Variants in ERICH2 observed in about 807,000 individuals in gnomAD.
ERICH2 encodes the protein glutamate-rich protein 2.
In ERICH2, 17 loss-of-function variants were observed where a neutral mutation model predicts 17.4. That is an observed-to-expected ratio of 0.98 (90% CI 0.67 to 1.47). The LOEUF is 1.47. Among genes scored for constraint, ERICH2 ranks in the 40% most tolerant of loss-of-function variants. The probability of loss-of-function intolerance (pLI) is 0.00; values close to 1 mark genes in which losing one functional copy is unlikely to be tolerated. For missense variants in ERICH2, 186 were observed against 183.2 expected, an observed-to-expected ratio of 1.01 and a Z score of -0.09; for synonymous variants, 51 against 61.1, an observed-to-expected ratio of 0.83 and a Z score of 0.77.
chr2:170,776,765 CT>C, the ERICH2 span, among the ~76,000 whole-genome samples: 37,572 of 145,122 alleles, frequency 0.26, 4,984 homozygotes, highest in South Asian at 0.37. Context: ...CAGAGAATTT[CT>C]TTTTTTTTTT....
chr2:170,784,001 G>A (rs1701087169), intron 1 of ERICH2: 1 of 1,277,540 alleles, frequency 7.8e-7, no homozygotes, highest in Admixed American at 2.1e-5. Flanking sequence ...TGTTGTTGTT[G>A]TTCTGTGTTT....
intron 2 of ERICH2, among the ~76,000 whole-genome samples, chr2:170,787,024 G>A (rs1219898125): frequency 6.8e-6 from 1 of 147,002 alleles, no homozygotes; most frequent in Non-Finnish European, 1.5e-5. Flanking sequence ...TCCTTTGCAT[G>A]CCTATATTTT....
At chr2:170,773,556 T>C in the ERICH2 span, among the ~76,000 whole-genome samples, 4 of 152,206 alleles carry the variant, frequency 2.6e-5, no homozygotes, top group Non-Finnish European at 4.4e-5. Context: ...GCATTTGTTA[T>C]AGTATTTTGA....
intron 2 of ERICH2, among the ~76,000 whole-genome samples, chr2:170,788,278 A>G (rs1701200032): frequency 2.0e-5 from 3 of 152,166 alleles, no homozygotes; most frequent in South Asian, 2.1e-4. Context: ...CAATGACCCT[A>G]TCTACCATAA....
the ERICH2 span, among the ~76,000 whole-genome samples, chr2:170,770,390 C>T: frequency 1.3e-4 from 20 of 152,314 alleles, no homozygotes; most frequent in African/African-American, 4.3e-4. Flanking sequence ...GGCAGAGCAG[C>T]AGCTCTGGCG....
intron 2 of ERICH2, among the ~76,000 whole-genome samples, chr2:170,785,806 A>G (rs1423294080): frequency 6.6e-6 from 1 of 152,192 alleles, no homozygotes; most frequent in Non-Finnish European, 1.5e-5. Flanking sequence ...TTGAAGCCTG[A>G]AACAACACAC....
chr2:170,797,974 A>C (rs1701469731), intron 3 of ERICH2, 67 bp from the exon 9 acceptor site: 2 of 1,063,818 alleles, frequency 1.9e-6, no homozygotes, highest in Admixed American at 4.1e-5. Context: ...ATTTCATTCT[A>C]AGGAGCCTGT....
intron 2 of ERICH2, among the ~76,000 whole-genome samples, chr2:170,787,059 GTTTT>G (rs1418300183): frequency 2.1e-5 from 3 of 142,128 alleles, no homozygotes; most frequent in African/African-American, 5.0e-5. Flanking sequence ...TTGTTTGTTT[GTTTT>G]AACAGATGGG....
At chr2:170,782,850 G>A (rs758994642), upstream of ERICH2, among the ~76,000 whole-genome samples, 1 of 152,164 alleles carries the variant, frequency 6.6e-6, no homozygotes, top group African/African-American at 2.4e-5. Context: ...GGAGACCAAG[G>A]CAAGAGGATC....
At chr2:170,796,037 T>C (rs1286183969) in intron 3 of ERICH2, among the ~76,000 whole-genome samples, 1 of 152,210 alleles carries the variant, frequency 6.6e-6, no homozygotes, top group Non-Finnish European at 1.5e-5. Flanking sequence ...CACTCTTTCC[T>C]ATTAGCCTAC....
intron 2 of ERICH2, among the ~76,000 whole-genome samples, chr2:170,786,484 T>C (rs1288160844): frequency 6.6e-6 from 1 of 152,136 alleles, no homozygotes; most frequent in Non-Finnish European, 1.5e-5. Flanking sequence ...CTAGGTGTGG[T>C]TTTCCTCATA....
the ERICH2 span, among the ~76,000 whole-genome samples, chr2:170,771,594 C>T: frequency 6.6e-6 from 1 of 152,246 alleles, no homozygotes; most frequent in Admixed American, 6.5e-5. This position sits in a 1 kb window ranked among gnomAD's most constrained non-coding sequence, Gnocchi z 4.8. Flanking sequence ...ACCCCCTTCC[C>T]TCAGTCCTTG....
the ERICH2 span, chr2:170,778,026 A>T: frequency 4.9e-6 from 1 of 204,554 alleles, no homozygotes; most frequent in Non-Finnish European, 9.7e-6. Context: ...TCAAGTGAAT[A>T]TGTACTTTAA....
intron 2 of ERICH2, among the ~76,000 whole-genome samples, chr2:170,789,404 A>C (rs936664044): frequency 1.1e-4 from 17 of 152,224 alleles, no homozygotes; most frequent in African/African-American, 2.9e-4. Flanking sequence ...GAAAATTAGT[A>C]ATAATTCTGT....
At chr2:170,774,733 G>A in the ERICH2 span, among the ~76,000 whole-genome samples, 6 of 151,350 alleles carry the variant, frequency 4.0e-5, no homozygotes, top group South Asian at 1.0e-3. Flanking sequence ...CACCACGCCC[G>A]ACTAAATTTT....
At chr2:170,773,165 A>G in the ERICH2 span, among the ~76,000 whole-genome samples, 2 of 152,314 alleles carry the variant, frequency 1.3e-5, no homozygotes, top group East Asian at 1.9e-4. Context: ...AATCCTGTAA[A>G]GGCAGTCTGG....
the ERICH2 span, among the ~76,000 whole-genome samples, chr2:170,772,936 A>T: frequency 6.6e-6 from 1 of 152,268 alleles, no homozygotes; most frequent in Non-Finnish European, 1.5e-5. Context: ...TTCCAATATT[A>T]CAAGAGAAAT....
chr2:170,798,673 A>G lies in ERICH2; in HGVS notation c.347-97A>G, dbSNP rs1004276035. The stretch of plus-strand genomic sequence containing the variant: ...CCAACTCAGTTCTTATGTTACAAAT[A>G]TATGTATTTCTTGGTAGAGGGAGGG... On this transcript the variant is annotated intron_variant, in intron 4 of 4. Transcript: ENST00000409885. 1.3e-5 allele frequency: 18 copies of G among 1,420,000 alleles called. No individual in the cohort carries two copies. In the Admixed American group the frequency reaches 2.6e-4, roughly 21 times the overall value. The allele number at this position is 1,420,000 out of a possible 1,614,324, so 88.0% of individuals were successfully genotyped here.
At chr2:170,795,606 C>A (rs570687634) in intron 3 of ERICH2, among the ~76,000 whole-genome samples, 70 of 152,258 alleles carry the variant, frequency 4.6e-4, no homozygotes, top group African/African-American at 1.7e-3. Context: ...CTCAGCCTCC[C>A]GAAGTGTTGG....
Sources: allele counts gnomAD v4.1 joint callset (sites outside exome capture counted in the v4.1 genomes callset), GRCh38; gene constraint gnomAD v4.1.1; non-coding constraint Gnocchi (gnomAD v3.1); transcripts MANE v1.5; gene names NCBI Gene and HGNC (gene_info 2026-07-23, HGNC 2026-07-21).